DLG2: variants seen among roughly 807,000 people sequenced by gnomAD.
DLG2 encodes the protein discs large MAGUK scaffold protein 2.
DLG2 carries 45 observed loss-of-function variants against 132.5 expected under a neutral mutation model. That is an observed-to-expected ratio of 0.34 (90% CI 0.27 to 0.44). The LOEUF (loss-of-function observed/expected upper bound fraction) is 0.44. DLG2 is among the 20% of genes least tolerant of loss of function. DLG2 has a pLI of 1.00. For synonymous variants in DLG2, 424 were observed against 419.6 expected (o/e 1.01, Z -0.13); for missense variants, 1,045 against 1,196.9 (o/e 0.87, Z 1.87).
rs114726030 is a variant in DLG2, at chr11:84,309,336, A to T, written c.520-58045T>A. ...TTTGTATAATGTCCAACAGTTAATTATCAATAAATTGCATGCCTCATAATT... is the reference window on the plus strand; with the variant it reads ...TTTGTATAATGTCCAACAGTTAATTTTCAATAAATTGCATGCCTCATAATT... On this transcript the variant is annotated intron_variant, in intron 7 of 27. Coordinates refer to ENST00000376104, the MANE Select transcript of DLG2 (RefSeq NM_001142699.3). Among the ~76,000 whole-genome samples the T allele has an allele frequency of 5.0e-3, 765 of 152,354 alleles. 5 individuals carry two copies. Among genetic ancestry groups the T allele is most frequent in the African/African-American group, 0.017 (723 of 41,572 alleles).
chr11:83,584,698 C>T (rs78199617), intron 19 of DLG2, among the ~76,000 whole-genome samples: 2,571 of 152,274 alleles, frequency 0.017, 72 homozygotes, highest in African/African-American at 0.058. Context: ...TACGCTGAGC[C>T]ATTGCCATTC....
chr11:84,932,012 T>C lies in DLG2; in HGVS notation c.357+179649A>G, dbSNP rs573649426. On this transcript the variant is annotated intron_variant, in intron 6 of 27. Coordinates refer to ENST00000376104, the MANE Select transcript of DLG2 (RefSeq NM_001142699.3). ...TGTTTAAGCTCCTTACACATGCTTA[T>C]TATTAGACCTTTGTTGAATGAATAC... Among the ~76,000 whole-genome samples, 10 of 152,278 alleles carry C rather than the reference T, an allele frequency of 6.6e-5. No homozygotes were observed. In the South Asian group the frequency reaches 1.7e-3, roughly 25 times the overall value.
intron 6 of DLG2, among the ~76,000 whole-genome samples, chr11:84,658,457 T>TA (rs1451854514): frequency 1.3e-5 from 2 of 152,144 alleles, no homozygotes; most frequent in African/African-American, 4.8e-5. Context: ...TATGCCCTTA[T>TA]AAAAGAAACT....
chr11:84,271,939 T>G (rs1030297816), intron 7 of DLG2, among the ~76,000 whole-genome samples: 2 of 123,304 alleles, frequency 1.6e-5, no homozygotes, highest in Non-Finnish European at 3.4e-5. Context: ...ATATCACACT[T>G]TGATAATAAC....
chr11:84,385,254 C>G lies in DLG2; in HGVS notation c.520-133963G>C, dbSNP rs180943860. On this transcript the variant is annotated intron_variant, in intron 7 of 27. Coordinates refer to ENST00000376104, the MANE Select transcript of DLG2 (RefSeq NM_001142699.3). ...CTCTTTAAAGAGTTTTAAAAAAAATCAAAGAGGCATACTCTTGTCTTTATT... is the reference window on the plus strand; with the variant it reads ...CTCTTTAAAGAGTTTTAAAAAAAATGAAAGAGGCATACTCTTGTCTTTATT... Among the ~76,000 whole-genome samples the G allele has an allele frequency of 3.3e-3, 506 of 152,046 alleles. 4 individuals carry two copies. The highest frequency in any genetic ancestry group is 0.011 in the South Asian group (55 of 4,814).
At chr11:85,043,837 C>T (rs2062075734) in intron 6 of DLG2, among the ~76,000 whole-genome samples, 1 of 151,912 alleles carries the variant, frequency 6.6e-6, no homozygotes, top group Non-Finnish European at 1.5e-5. Context: ...TGTGCTCAAT[C>T]TTTTCTCTCC....
At chr11:83,785,276 G>C (rs995650517) in intron 18 of DLG2, among the ~76,000 whole-genome samples, 3 of 151,986 alleles carry the variant, frequency 2.0e-5, no homozygotes, top group Non-Finnish European at 4.4e-5. Flanking sequence ...GGATGGTCTC[G>C]ATCTCCTGAC....
intron 3 of DLG2, among the ~76,000 whole-genome samples, chr11:85,371,733 C>A (rs148156387): frequency 6.6e-6 from 1 of 152,264 alleles, no homozygotes; most frequent in East Asian, 1.9e-4. Context: ...ATCTTGGGAC[C>A]TTTGGAGAGG....
intron 18 of DLG2, among the ~76,000 whole-genome samples, chr11:83,697,076 C>G (rs2082074191): frequency 6.6e-6 from 1 of 152,132 alleles, no homozygotes; most frequent in African/African-American, 2.4e-5. Context: ...GTAAGAATAA[C>G]AAGACATGCT....
chr11:85,214,104 A>G (rs2082422206), intron 4 of DLG2, among the ~76,000 whole-genome samples: 1 of 152,166 alleles, frequency 6.6e-6, no homozygotes, highest in African/African-American at 2.4e-5. Context: ...ACCTCAGCCC[A>G]TGCTGTTCAC....
chr11:85,472,256 G>A (rs2093007646), intron 3 of DLG2, among the ~76,000 whole-genome samples: 1 of 152,076 alleles, frequency 6.6e-6, no homozygotes, highest in African/African-American at 2.4e-5. Context: ...CCTGCCTTCA[G>A]GTAGGGGCTA....
chr11:84,034,938 T>C (rs1414446450), intron 11 of DLG2, among the ~76,000 whole-genome samples: 1 of 152,194 alleles, frequency 6.6e-6, no homozygotes, highest in Admixed American at 6.6e-5. Flanking sequence ...AATCAATCAA[T>C]GCAAGCTTTT....
At chr11:83,988,719 T>G (rs938408552) in intron 11 of DLG2, among the ~76,000 whole-genome samples, 1 of 152,148 alleles carries the variant, frequency 6.6e-6, no homozygotes, top group African/African-American at 2.4e-5. Context: ...ACAGCTGTTC[T>G]GCTACATGGA....
At chr11:84,937,662 A>ATGGAT (rs2048911512) in intron 6 of DLG2, among the ~76,000 whole-genome samples, 1 of 152,162 alleles carries the variant, frequency 6.6e-6, no homozygotes, top group Non-Finnish European at 1.5e-5. Flanking sequence ...TGAGAGGTAA[A>ATGGAT]TGGATAGTTC....
intron 6 of DLG2, among the ~76,000 whole-genome samples, chr11:84,783,136 A>G (rs1457456601): frequency 6.6e-6 from 1 of 152,172 alleles, no homozygotes; most frequent in Non-Finnish European, 1.5e-5. Context: ...TGCTTAATCA[A>G]TCTTACATCC....
At chr11:84,626,884 A>ATTTTATTTTATTTTATTTTATTTTATTTT (rs1264220414) in intron 6 of DLG2, among the ~76,000 whole-genome samples, 1 of 150,658 alleles carries the variant, frequency 6.6e-6, no homozygotes, top group Admixed American at 6.6e-5. Context: ...ATTTTATTTT[A>ATTTTATTTTATTTTATTTTATTTTATTTT]TTTTTGAGAT....
chr11:85,565,306 T>C (rs1051487647), intron 3 of DLG2, among the ~76,000 whole-genome samples: 1 of 152,066 alleles, frequency 6.6e-6, no homozygotes, highest in Non-Finnish European at 1.5e-5. Context: ...CATTCAATAT[T>C]TGATGATTAA....
chr11:84,734,774 T>C (rs1275965020), intron 6 of DLG2, among the ~76,000 whole-genome samples: 2 of 152,294 alleles, frequency 1.3e-5, no homozygotes, highest in African/African-American at 4.8e-5. Flanking sequence ...GGCTGTGGGT[T>C]TGTCATAAAT....
intron 9 of DLG2, among the ~76,000 whole-genome samples, chr11:84,129,985 G>C (rs1311054608): frequency 1.3e-5 from 2 of 151,866 alleles, no homozygotes; most frequent in Non-Finnish European, 2.9e-5. Context: ...ACTAAAGAAA[G>C]TACAAACACA....
Sources: gnomAD v4.1 joint callset for allele counts (sites outside exome capture counted in the v4.1 genomes callset) on GRCh38, gnomAD v4.1.1 for gene constraint, MANE v1.5 for transcripts, NCBI Gene and HGNC (gene_info 2026-07-23, HGNC 2026-07-21) for gene names.